Variants in SCN8A observed in about 807,000 individuals in gnomAD.
SCN8A encodes the protein sodium voltage-gated channel alpha subunit 8.
In SCN8A, 30 loss-of-function variants were observed where a neutral mutation model predicts 184.1. The ratio of observed to expected loss-of-function variants is 0.16; its 90% CI spans 0.12 to 0.22. SCN8A has a LOEUF of 0.22. SCN8A is among the 10% of genes least tolerant of loss of function. The probability of loss-of-function intolerance (pLI) is 1.00; values close to 1 mark genes in which losing one functional copy is unlikely to be tolerated. For synonymous variants in SCN8A, 852 were observed against 907.0 expected (o/e 0.94, Z 1.09); for missense variants, 1,057 against 2,498.9 (o/e 0.42, Z 12.30).
chr12:51,713,623 T>G (rs1456554167), intron 11 of SCN8A: 5 of 627,046 alleles, frequency 8.0e-6, no homozygotes, highest in African/African-American at 1.8e-5. Flanking sequence ...CCTGAGTTCT[T>G]CTTGAGACAT....
intron 6 of SCN8A, among the ~76,000 whole-genome samples, chr12:51,693,468 A>C (rs1051542872): frequency 1.3e-5 from 2 of 152,154 alleles, no homozygotes; most frequent in African/African-American, 4.8e-5. Flanking sequence ...GCTCTAAAGA[A>C]TCTTCAAGAG....
At chr12:51,788,963 G>A (rs770857338) in intron 23 of SCN8A, among the ~76,000 whole-genome samples, 4 of 152,178 alleles carry the variant, frequency 2.6e-5, no homozygotes, top group Non-Finnish European at 5.9e-5. Flanking sequence ...TGATTAGACT[G>A]TTGATTTTTT....
chr12:51,757,611 T>C (rs529425641), intron 14 of SCN8A, among the ~76,000 whole-genome samples: 4 of 152,212 alleles, frequency 2.6e-5, no homozygotes, highest in Admixed American at 6.5e-5. Flanking sequence ...TTACAAGTTA[T>C]CAGGCATATG....
At chr12:51,622,303 A>G (rs1939979512) in intron 1 of SCN8A, among the ~76,000 whole-genome samples, 1 of 152,208 alleles carries the variant, frequency 6.6e-6, no homozygotes, top group Admixed American at 6.5e-5. Context: ...ATGTTGGTAC[A>G]TTACTATTAA....
At chr12:51,780,596 T>TTC (rs1937883222) in intron 20 of SCN8A, 53 bp from the exon 21 acceptor site, 1 of 360,672 alleles carries the variant, frequency 2.8e-6, no homozygotes, top group Non-Finnish European at 4.6e-6. Context: ...TTTTTTTTTT[T>TTC]TTTTTTTTGG....
chr12:51,617,141 A>G (rs1465464348), intron 1 of SCN8A, among the ~76,000 whole-genome samples: 1 of 152,074 alleles, frequency 6.6e-6, no homozygotes, highest in Non-Finnish European at 1.5e-5. Flanking sequence ...CTGTAAGTTT[A>G]TGTCTTCTTA....
intron 26 of SCN8A, among the ~76,000 whole-genome samples, chr12:51,795,476 A>G (rs765576305): frequency 5.9e-5 from 9 of 152,222 alleles, no homozygotes; most frequent in Non-Finnish European, 1.0e-4. Context: ...CTCGAGACCC[A>G]TGGGACCAGC....
chr12:51,635,675 C>G (rs1940301052), intron 1 of SCN8A, among the ~76,000 whole-genome samples: 1 of 151,990 alleles, frequency 6.6e-6, no homozygotes, highest in African/African-American at 2.4e-5. Flanking sequence ...ATGCTGGTGC[C>G]TTACTAGAAA....
chr12:51,728,318 TCC>T (rs926693637), intron 12 of SCN8A, among the ~76,000 whole-genome samples: 1 of 151,994 alleles, frequency 6.6e-6, no homozygotes, highest in African/African-American at 2.4e-5. Flanking sequence ...CAAGAAACCA[TCC>T]CCCTTATCTA....
chr12:51,763,809 T>G (rs1462268065), intron 15 of SCN8A, among the ~76,000 whole-genome samples: 2 of 152,156 alleles, frequency 1.3e-5, no homozygotes, highest in East Asian at 3.8e-4. Flanking sequence ...TGGCTTGGGT[T>G]TTTCACTCCC....
intron 12 of SCN8A, among the ~76,000 whole-genome samples, chr12:51,740,991 TC>T (rs1200959882): frequency 3.3e-5 from 5 of 152,088 alleles, no homozygotes; most frequent in African/African-American, 1.2e-4. Flanking sequence ...TTGCCATGTT[TC>T]CCAGGCTGGT....
At chr12:51,665,603 C>T (rs1941017891) in intron 2 of SCN8A, among the ~76,000 whole-genome samples, 1 of 152,172 alleles carries the variant, frequency 6.6e-6, no homozygotes, top group African/African-American at 2.4e-5. Flanking sequence ...CTCAAGTTAA[C>T]TTGCAAATCT....
chr12:51,615,838 C>T (rs1296537725), intron 1 of SCN8A, among the ~76,000 whole-genome samples: 2 of 152,178 alleles, frequency 1.3e-5, no homozygotes, highest in Non-Finnish European at 2.9e-5. Flanking sequence ...TCACCTCAGC[C>T]TCCTGGGTAG....
chr12:51,633,088 C>T (rs568809290), intron 1 of SCN8A, among the ~76,000 whole-genome samples: 7 of 152,250 alleles, frequency 4.6e-5, no homozygotes, highest in African/African-American at 1.7e-4. Context: ...CACATGGCAT[C>T]GATCATCTGT....
rs768445951 is a variant in SCN8A at position 51,807,275 on chromosome 12, C to T, written c.5789C>T (p.Thr1930Ile). The T allele has an allele frequency of 2.5e-6, 4 of 1,613,800 alleles. No homozygotes were observed. Among genetic ancestry groups the T allele is most frequent in the African/African-American group, 2.7e-5 (2 of 74,882 alleles). ...TCTAATAAGCTGGAGAATGGAGGCA[C>T]ACACCGGGAGAAAAAAGAGAGCACC... is the stretch of plus-strand genomic sequence containing the variant. ...TTSNKLENGG[T>I]HREKKESTPS... The change falls in exon 27 of 27, where the codon ACA becomes ATA. Residue 1930 changes from threonine to isoleucine, a missense_variant. Thr to Ile is a moderately conservative substitution (Grantham distance 89, BLOSUM62 -1). Coordinates refer to ENST00000627620, the MANE Select transcript of SCN8A (RefSeq NM_001330260.2). The surrounding 1 kb of genome is among the most constrained non-coding windows in gnomAD (Gnocchi z 4.5).
Position 51,682,134 on chromosome 12 carries a change from G to A in SCN8A, c.277-2040G>A, listed in dbSNP as rs376386398. 9.9e-5 allele frequency among the ~76,000 whole-genome samples: 15 copies of A among 152,224 alleles called. No individual in the cohort carries two copies. In the South Asian group the frequency reaches 1.7e-3, roughly 17 times the overall value. ...TTTATTAATATGTTGCATTACATTGGTTGATTTTCAAATGCTAAACTATCT... is the reference window on the plus strand; with the variant it reads ...TTTATTAATATGTTGCATTACATTGATTGATTTTCAAATGCTAAACTATCT... On this transcript the variant is annotated intron_variant, in intron 2 of 26. Coordinates refer to ENST00000627620, the MANE Select transcript of SCN8A (RefSeq NM_001330260.2).
chr12:51,596,916 ACTT>A (rs1235208529), intron 1 of SCN8A, among the ~76,000 whole-genome samples: 2 of 152,162 alleles, frequency 1.3e-5, no homozygotes, highest in African/African-American at 4.8e-5. Flanking sequence ...TGTTACCTGG[ACTT>A]CTTTGCTTAT....
intron 1 of SCN8A, among the ~76,000 whole-genome samples, chr12:51,612,627 G>C (rs1276683752): frequency 6.6e-6 from 1 of 152,168 alleles, no homozygotes; most frequent in Non-Finnish European, 1.5e-5. Context: ...TTAATATAAT[G>C]AATTACATTG....
At chr12:51,695,015 T>C (rs1486574166) in intron 6 of SCN8A, among the ~76,000 whole-genome samples, 2 of 152,196 alleles carry the variant, frequency 1.3e-5, no homozygotes, top group African/African-American at 4.8e-5. Flanking sequence ...AGTGACTGTT[T>C]ATTATTTAAT....
Sources: allele counts gnomAD v4.1 joint callset (sites outside exome capture counted in the v4.1 genomes callset), GRCh38; gene constraint gnomAD v4.1.1; non-coding constraint Gnocchi (gnomAD v3.1); transcripts MANE v1.5; gene names NCBI Gene and HGNC (gene_info 2026-07-23, HGNC 2026-07-21).